Variants in FOS observed in about 807,000 individuals in gnomAD.
FOS encodes the protein Fos proto-oncogene, AP-1 transcription factor subunit.
In FOS, 9 loss-of-function variants were observed where a neutral mutation model predicts 27.2. That is an observed-to-expected ratio of 0.33 (90% CI 0.20 to 0.58). The LOEUF (loss-of-function observed/expected upper bound fraction) is 0.58, where lower values mean the gene tolerates loss of function less well. Ranked by LOEUF, FOS falls within the 20% of genes least tolerant of loss-of-function variation. The pLI, the probability that FOS is intolerant of heterozygous loss-of-function variation, is 0.87. For synonymous variants in FOS, 213 were observed against 205.1 expected, an observed-to-expected ratio of 1.04 and a Z score of -0.33; for missense variants, 405 against 483.5, an observed-to-expected ratio of 0.84 and a Z score of 1.52.
Position 75,280,558 on chromosome 14 carries a change from A to AGAT in FOS, c.394-1_394insATG. ...GTCGGTCTTTTTTTGTGATTATTCT[A>AGAT]GTTATCTCCAGAAGAAGAAGAGAAA... On this transcript the variant is annotated splice_acceptor_variant, in intron 2 of 3. Transcript: ENST00000303562. LOFTEE classifies it high-confidence loss of function. 1 of 1,609,148 alleles carries AGAT rather than the reference A, an allele frequency of 6.2e-7. No homozygotes were observed.
chr14:75,280,622 C>T lies in FOS; in HGVS notation c.456C>T (p.Ala152=), dbSNP rs1417659473. ...IRRERNKMAA[A]KCRNRRRELT... ...GGGAAAGGAATAAGATGGCTGCAGC[C>T]AAATGCCGCAACCGGAGGAGGGAGC... The change falls in exon 3 of 4, where the codon GCC becomes GCT. Residue 152 remains alanine (A), a synonymous_variant. Coordinates refer to ENST00000303562, the MANE Select transcript of FOS (RefSeq NM_005252.4). 5.0e-6 allele frequency: 8 copies of T among 1,613,982 alleles called. No individual in the cohort carries two copies. In the South Asian group the frequency reaches 6.6e-5, roughly 13 times the overall value.
rs749851665 is a variant in FOS, at chr14:75,281,456, A to G, written c.*32A>G. The G allele has an allele frequency of 6.3e-7, 1 of 1,599,128 alleles. No homozygotes were observed. Among genetic ancestry groups the G allele is most frequent in the East Asian group, 2.2e-5 (1 of 44,774 alleles). ...AGGGAAGGGGAGGCAGCCGGCACCC[A>G]CAAGTGCCACTGCCCGAGCTGGTGC... On this transcript the variant is annotated 3_prime_UTR_variant, in exon 4 of 4. Transcript: ENST00000303562. This position sits in a 1 kb window ranked among gnomAD's most constrained non-coding sequence, Gnocchi z 4.7.
intron 2 of FOS, 117 bp downstream of exon 2, chr14:75,280,245 G>A: frequency 7.2e-7 from 1 of 1,388,100 alleles, no homozygotes; most frequent in Non-Finnish European, 1.0e-6. Context: ...CTGCACATCC[G>A]TAACTGGGAG....
Position 75,280,103 on chromosome 14 carries a change from T to A in FOS, c.368T>A (p.Ile123Asn). 1 of 1,613,968 alleles carries A rather than the reference T, an allele frequency of 6.2e-7. No homozygotes were observed. Among genetic ancestry groups the A allele is most frequent in the Non-Finnish European group, 8.5e-7 (1 of 1,180,018 alleles). ...ATGACAGGAGGCCGAGCGCAGAGCA[T>A]TGGCAGGAGGGGCAAGGTGGAACAG... is the stretch of plus-strand genomic sequence containing the variant. The part of the protein sequence containing the change: ...KTMTGGRAQS[I>N]GRRGKVEQLS... Residue 123 changes from isoleucine (I) to asparagine (N), a missense_variant, in exon 2 of 4, where the codon ATT (isoleucine) becomes AAT (asparagine). Physicochemically the swap from Ile to Asn is moderately radical, Grantham distance 149. Transcript: ENST00000303562.
At position 75,281,209 on chromosome 14, in the gene FOS, T is replaced by A; in HGVS notation, c.928T>A (p.Ser310Thr). The A allele has an allele frequency of 3.7e-6, 6 of 1,612,582 alleles. No individual in the cohort carries two copies. Among genetic ancestry groups the A allele is most frequent in the Non-Finnish European group, 5.1e-6 (6 of 1,180,016 alleles). The part of the protein sequence containing the change: ...AADWEPLHSG[S>T]LGMGPMATEL... ...AGACTGGGAGCCTCTGCACAGTGGC[T>A]CCCTGGGGATGGGGCCCATGGCCAC... The change falls in exon 4 of 4, where the codon TCC (serine) becomes ACC (threonine). Residue 310 changes from serine (S) to threonine (T), a missense_variant. Ser to Thr is a moderately conservative substitution (Grantham distance 58). Transcript: ENST00000303562. This position sits in a 1 kb window ranked among gnomAD's most constrained non-coding sequence, Gnocchi z 4.7.
In FOS at chr14:75,279,064, T is replaced by C; in HGVS notation, c.82T>C (p.Ser28Pro). Reference protein sequence around the residue: ...SSASPAGDSLSYYHSPADSFS... With the variant: ...SSASPAGDSLPYYHSPADSFS... ...CGCGTCCCCGGCCGGGGATAGCCTC[T>C]CTTACTACCACTCACCCGCAGACTC... The change falls in exon 1 of 4, where the codon TCT becomes CCT. Residue 28 changes from serine (S) to proline (P), a missense_variant. By Grantham distance (74) the Ser-to-Pro change is moderately conservative. Coordinates refer to ENST00000303562, the MANE Select transcript of FOS (RefSeq NM_005252.4). This position sits in a 1 kb window ranked among gnomAD's most constrained non-coding sequence, Gnocchi z 5.4. The C allele has an allele frequency of 6.2e-7, 1 of 1,613,750 alleles. No individual in the cohort carries two copies. The highest frequency in any genetic ancestry group is 8.5e-7 in the Non-Finnish European group (1 of 1,179,950).
chr14:75,278,857 C>G lies in FOS; in HGVS notation c.-126C>G. 2 of 1,159,478 alleles carry G rather than the reference C, an allele frequency of 1.7e-6. No individual in the cohort carries two copies. The highest frequency in any genetic ancestry group is 2.5e-6 in the Non-Finnish European group (2 of 816,272). 71.8% of individuals were successfully genotyped at this position (1,159,478 alleles called of 1,614,324 possible). A position where few individuals can be genotyped will look rare whatever the true frequency, so the allele number is the denominator to read the frequency against. ...GCATCTGCAGCGAGCATCTGAGAAG[C>G]CAAGACTGAGCCGGCGGCCGCGGCG... On this transcript the variant is annotated 5_prime_UTR_variant, in exon 1 of 4. Transcript: ENST00000303562. The surrounding 1 kb of genome is among the most constrained non-coding windows in gnomAD (Gnocchi z 4.1).
Position 75,279,009 on chromosome 14 carries a change from C to A in FOS, c.27C>A (p.Asp9Glu). The change falls in exon 1 of 4, where the codon GAC (aspartate) becomes GAA (glutamate). Residue 9 changes from aspartate (D) to glutamate (E), a missense_variant. Coordinates refer to ENST00000303562, the MANE Select transcript of FOS (RefSeq NM_005252.4). The surrounding 1 kb of genome is among the most constrained non-coding windows in gnomAD (Gnocchi z 5.4). Reference protein sequence around the residue: MMFSGFNADYEASSSRCSS... With the variant: MMFSGFNAEYEASSSRCSS... ...TGATGTTCTCGGGCTTCAACGCAGA[C>A]TACGAGGCGTCATCCTCCCGCTGCA... 6.2e-7 allele frequency: 1 copy of A among 1,613,734 alleles called. No individual in the cohort carries two copies. The highest frequency in any genetic ancestry group is 8.5e-7 in the Non-Finnish European group (1 of 1,179,944).
intron 3 of FOS, 22 bp downstream of exon 3, chr14:75,280,689 C>A: frequency 6.5e-7 from 1 of 1,544,230 alleles, no homozygotes; most frequent in Non-Finnish European, 8.7e-7. Context: ...GTGGGTTGCT[C>A]CTTTTTAAAA....
chr14:75,280,047 G>C lies in FOS; in HGVS notation c.312G>C (p.Gly104=). ...HPFGVPAPSA[G]AYSRAGVVKT... ...TCGGAGTCCCCGCCCCCTCCGCTGG[G>C]GCTTACTCCAGGGCTGGCGTTGTGA... Residue 104 remains glycine, a synonymous_variant, in exon 2 of 4, where the codon GGG becomes GGC. Coordinates refer to ENST00000303562, the MANE Select transcript of FOS (RefSeq NM_005252.4). 6.2e-7 allele frequency: 1 copy of C among 1,614,142 alleles called. No homozygotes were observed. Among genetic ancestry groups the C allele is most frequent in the African/African-American group, 1.3e-5 (1 of 75,036 alleles).
At chr14:75,280,702 TA>T (rs765317937) in intron 3 of FOS, 35 bp downstream of exon 3, 2 of 1,521,362 alleles carry the variant, frequency 1.3e-6, no homozygotes, top group Non-Finnish European at 1.8e-6. Flanking sequence ...TTTTAAAACT[TA>T]AGGGGAAAGT....
chr14:75,279,887 C>G lies in FOS; in HGVS notation c.152C>G (p.Thr51Arg). ...TCTGTTTTGTTCTAGGACTTCTGCA[C>G]GGACCTGGCCGTCTCCAGTGCCAAC... ...GSPVNAQDFC[T>R]DLAVSSANFI... The change falls in exon 2 of 4, where the codon ACG (threonine) becomes AGG (arginine). Residue 51 changes from threonine (T) to arginine (R), a missense_variant. Transcript: ENST00000303562. This position sits in a 1 kb window ranked among gnomAD's most constrained non-coding sequence, Gnocchi z 5.4. The G allele has an allele frequency of 6.2e-7, 1 of 1,605,376 alleles. No individual in the cohort carries two copies. Among genetic ancestry groups the G allele is most frequent in the Non-Finnish European group, 8.5e-7 (1 of 1,174,314 alleles).
intron 2 of FOS, 158 bp downstream of exon 2, chr14:75,280,286 C>G: frequency 1.0e-6 from 1 of 979,934 alleles, no homozygotes; most frequent in Non-Finnish European, 1.6e-6. Context: ...CATCCCAACT[C>G]AGACTCTGAG....
Position 75,279,335 on chromosome 14 carries a change from A to G in FOS, c.141+212A>G. The G allele has an allele frequency of 1.5e-6, 1 of 650,386 alleles. No homozygotes were observed. Among genetic ancestry groups the G allele is most frequent in the Non-Finnish European group, 2.6e-6 (1 of 383,376 alleles). 40.3% of individuals were successfully genotyped at this position (650,386 alleles called of 1,614,324 possible). Reference sequence around the variant, plus strand: ...AGAATTGGTTCCCCCTTCGGGAGGCAGGTTCGTTCTGAGCAACCTCTGGTC... The same window carrying G: ...AGAATTGGTTCCCCCTTCGGGAGGCGGGTTCGTTCTGAGCAACCTCTGGTC... On this transcript the variant is annotated intron_variant, in intron 1 of 3. Transcript: ENST00000303562. The surrounding 1 kb of genome is among the most constrained non-coding windows in gnomAD (Gnocchi z 5.4).
rs1566700692 is a variant in FOS, at chr14:75,280,814, C to G, written c.533C>G (p.Ala178Gly). ...ETDQLEDEKS[A>G]LQTEIANLLK... ...GACCAACTAGAAGATGAGAAGTCTG[C>G]TTTGCAGACCGAGATTGCCAACCTG... Residue 178 changes from alanine to glycine, a missense_variant, in exon 4 of 4, where the codon GCT (alanine) becomes GGT (glycine). Coordinates refer to ENST00000303562, the MANE Select transcript of FOS (RefSeq NM_005252.4). 1 of 1,614,150 alleles carries G rather than the reference C, an allele frequency of 6.2e-7. No individual in the cohort carries two copies. The highest frequency in any genetic ancestry group is 1.3e-5 in the African/African-American group (1 of 75,038).
In FOS at chr14:75,281,357, G is replaced by A. The variant is rs1897228322; in HGVS notation, c.1076G>A (p.Arg359His). The A allele has an allele frequency of 1.2e-6, 2 of 1,610,886 alleles. No homozygotes were observed. The highest frequency in any genetic ancestry group is 1.7e-6 in the Non-Finnish European group (2 of 1,179,954). The change falls in exon 4 of 4, where the codon CGC (arginine) becomes CAC (histidine). Residue 359 changes from arginine to histidine, a missense_variant. Coordinates refer to ENST00000303562, the MANE Select transcript of FOS (RefSeq NM_005252.4). This position sits in a 1 kb window ranked among gnomAD's most constrained non-coding sequence, Gnocchi z 4.7. ...TTCCCCAGCTGTGCAGCTGCCCACC[G>A]CAAGGGCAGCAGCAGCAATGAGCCT... ...DSFPSCAAAH[R>H]KGSSSNEPSS...
Position 75,281,400 on chromosome 14 carries a change from C to T in FOS, c.1119C>T (p.Ser373=). The T allele has an allele frequency of 3.7e-6, 6 of 1,611,416 alleles. No individual in the cohort carries two copies. The highest frequency in any genetic ancestry group is 1.3e-5 in the African/African-American group (1 of 75,066). Residue 373 remains serine (S), a synonymous_variant, in exon 4 of 4, where the codon AGC becomes AGT. Coordinates refer to ENST00000303562, the MANE Select transcript of FOS (RefSeq NM_005252.4). This position sits in a 1 kb window ranked among gnomAD's most constrained non-coding sequence, Gnocchi z 4.7. ...SSNEPSSDSL[S]SPTLLAL is the part of the protein sequence containing the mutation. ...ATGAGCCTTCCTCTGACTCGCTCAGCTCACCCACGCTGCTGGCCCTGTGAG... is the reference window on the plus strand; with the variant it reads ...ATGAGCCTTCCTCTGACTCGCTCAGTTCACCCACGCTGCTGGCCCTGTGAG...
At position 75,280,380 on chromosome 14, in the gene FOS, G is replaced by A. The variant is rs1397372120; in HGVS notation, c.394-180G>A. Reference sequence around the variant, plus strand: ...AGACTGGGCTCTTCTTTGTTCTCTTGCTGAGGATCTTATTTTAAATGCAAG... The same window carrying A: ...AGACTGGGCTCTTCTTTGTTCTCTTACTGAGGATCTTATTTTAAATGCAAG... On this transcript the variant is annotated intron_variant, in intron 2 of 3. Coordinates refer to ENST00000303562, the MANE Select transcript of FOS (RefSeq NM_005252.4). The A allele has an allele frequency of 7.3e-6, 5 of 682,608 alleles. No homozygotes were observed. The South Asian group carries it at 9.6e-5, about 13-fold the overall frequency. The allele number at this position is 682,608 out of a possible 1,614,324, so 42.3% of individuals were successfully genotyped here.
chr14:75,279,852 G>C lies in FOS; in HGVS notation c.142-25G>C. On this transcript the variant is annotated intron_variant, in intron 1 of 3. Coordinates refer to ENST00000303562, the MANE Select transcript of FOS (RefSeq NM_005252.4). This position sits in a 1 kb window ranked among gnomAD's most constrained non-coding sequence, Gnocchi z 5.4. The stretch of plus-strand genomic sequence containing the variant: ...GTCCGGAACCTGCTCGCTCACGTCG[G>C]CTTTCCCCTTCTGTTTTGTTCTAGG... The C allele has an allele frequency of 6.4e-7, 1 of 1,564,720 alleles. No homozygotes were observed. The highest frequency in any genetic ancestry group is 8.7e-7 in the Non-Finnish European group (1 of 1,150,786).
Sources: gnomAD v4.1 joint callset for allele counts on GRCh38, gnomAD v4.1.1 for gene constraint, Gnocchi (gnomAD v3.1) non-coding constraint, MANE v1.5 for transcripts, NCBI Gene and HGNC (gene_info 2026-07-23, HGNC 2026-07-21) for gene names.